The following KLF13 variants were observed in gnomAD, a reference collection of about 807,000 sequenced individuals.
KLF13 encodes KLF transcription factor 13.
A neutral mutation model predicts 16.7 loss-of-function variants in KLF13; 8 were observed. The observed-to-expected ratio is 0.48, with a 90% CI of 0.28 to 0.87. The LOEUF is 0.87. Among genes scored for constraint, KLF13 ranks in the 40% least tolerant of loss-of-function variants. The pLI is 0.10. For synonymous variants in KLF13, 245 were observed against 208.4 expected, an observed-to-expected ratio of 1.18 and a Z score of -1.51; for missense variants, 447 against 452.2, an observed-to-expected ratio of 0.99 and a Z score of 0.10.
chr15:31,329,549 G>C (rs2140927732), intron 1 of KLF13, among the ~76,000 whole-genome samples: 1 of 152,306 alleles, frequency 6.6e-6, no homozygotes, highest in Admixed American at 6.5e-5. Flanking sequence ...TCAGCCTTGG[G>C]ATGTCTTCCT....
At chr15:31,386,454 G>T (rs573862846) in intron 1 of KLF13, among the ~76,000 whole-genome samples, 1 of 152,146 alleles carries the variant, frequency 6.6e-6, no homozygotes, top group Non-Finnish European at 1.5e-5. Flanking sequence ...AGCCGAGATC[G>T]TGCCATTGCA....
chr15:31,345,908 GTC>G (rs1274477989), intron 1 of KLF13, among the ~76,000 whole-genome samples: 2 of 152,190 alleles, frequency 1.3e-5, no homozygotes, highest in Non-Finnish European at 2.9e-5. Flanking sequence ...ACCCCTGGTT[GTC>G]TCTGTTTCCC....
chr15:31,418,280 T>C (rs1327847704), intron 1 of KLF13, among the ~76,000 whole-genome samples: 2 of 152,152 alleles, frequency 1.3e-5, no homozygotes, highest in Non-Finnish European at 2.9e-5. Context: ...AGAGCGATTA[T>C]CTATTTGAAG....
At chr15:31,392,305 A>C (rs2039882848), upstream of KLF13, among the ~76,000 whole-genome samples, 1 of 152,184 alleles carries the variant, frequency 6.6e-6, no homozygotes. Context: ...ACGTGAGCTC[A>C]TGTACCGCGG....
chr15:31,362,914 G>A (rs2039411608), intron 1 of KLF13, among the ~76,000 whole-genome samples: 1 of 152,196 alleles, frequency 6.6e-6, no homozygotes, highest in South Asian at 2.1e-4. Context: ...TCTGTTATAT[G>A]TGCGTTCCAT....
intron 1 of KLF13, among the ~76,000 whole-genome samples, chr15:31,385,608 G>A (rs1334464276): frequency 6.6e-6 from 1 of 152,168 alleles, no homozygotes; most frequent in Non-Finnish European, 1.5e-5. Context: ...GATCTTTGAT[G>A]TTACTCTTGT....
chr15:31,346,574 CT>C (rs1566809605), intron 1 of KLF13, among the ~76,000 whole-genome samples: 1 of 152,240 alleles, frequency 6.6e-6, no homozygotes, highest in Non-Finnish European at 1.5e-5. Context: ...ATGCTGCCCC[CT>C]GCCCCAGCTT....
chr15:31,402,908 A>G (rs933687502), intron 2 of KLF13, among the ~76,000 whole-genome samples: 6 of 151,740 alleles, frequency 4.0e-5, no homozygotes, highest in Admixed American at 6.6e-5. Flanking sequence ...GGGATGGGCA[A>G]TGGGACTCGT....
chr15:31,382,928 G>A (rs2039745613), intron 1 of KLF13, among the ~76,000 whole-genome samples: 1 of 152,184 alleles, frequency 6.6e-6, no homozygotes, highest in Admixed American at 6.5e-5. Flanking sequence ...TGGGTGTCCT[G>A]ACCCCAGCTC....
downstream of KLF13, among the ~76,000 whole-genome samples, chr15:31,407,494 A>G (rs765317757): frequency 2.8e-4 from 42 of 152,250 alleles, no homozygotes; most frequent in Admixed American, 1.2e-3. Flanking sequence ...TCTTGTCTCA[A>G]AAATGATACA....
chr15:31,365,221 TCTCC>T (rs1056398022), intron 1 of KLF13, among the ~76,000 whole-genome samples: 35 of 152,088 alleles, frequency 2.3e-4, no homozygotes, highest in African/African-American at 8.2e-4. Flanking sequence ...TTTGGAAGCC[TCTCC>T]CTGTGCCTCC....
rs200064303 is a variant in KLF13, at chr15:31,413,588, AT to A, written n.117+19898del. Among the ~76,000 whole-genome samples the A allele has an allele frequency of 7.9e-3, 1,197 of 152,320 alleles. 16 individuals carry two copies. The highest frequency in any genetic ancestry group is 0.028 in the African/African-American group (1,152 of 41,568). The stretch of plus-strand genomic sequence containing the variant: ...ATATTTGAAGTGTTCAAAGAAAAAA[AT>A]CATCAAGGAAGAATCCTATATACAT... On this transcript the variant is annotated intron_variant and non_coding_transcript_variant, in intron 1 of 1. Transcript: ENST00000558225.
chr15:31,397,874 C>CTGGGGGGGGGGGGG, intron 2 of KLF13, among the ~76,000 whole-genome samples: 1 of 90,508 alleles, frequency 1.1e-5, no homozygotes, highest in East Asian at 2.6e-4. Flanking sequence ...GGGGTGGCGG[C>CTGGGGGGGGGGGGG]GGGGGGGGTG....
chr15:31,408,069 AAAG>A (rs375852008), downstream of KLF13, among the ~76,000 whole-genome samples: 60 of 152,352 alleles, frequency 3.9e-4, 2 homozygotes, highest in African/African-American at 1.4e-3. Context: ...AAAACCTGAA[AAAG>A]AAGAACTATC....
intron 1 of KLF13, among the ~76,000 whole-genome samples, chr15:31,410,597 AC>A (rs1206445809): frequency 5.3e-5 from 2 of 37,704 alleles, no homozygotes; most frequent in Non-Finnish European, 2.2e-4. Flanking sequence ...ACACACACAC[AC>A]ACACACACAC....
chr15:31,404,987 C>G (rs1027296025), downstream of KLF13, among the ~76,000 whole-genome samples: 1 of 152,212 alleles, frequency 6.6e-6, no homozygotes, highest in East Asian at 1.9e-4. Context: ...GCTACGAGTA[C>G]TGTTTTGTAG....
intron 1 of KLF13, among the ~76,000 whole-genome samples, chr15:31,334,497 G>A (rs985741026): frequency 6.6e-6 from 1 of 151,412 alleles, no homozygotes; most frequent in Non-Finnish European, 1.5e-5. Flanking sequence ...GCACAATCTC[G>A]GCTCACTGCA....
chr15:31,414,483 A>G (rs1163626288), intron 1 of KLF13, among the ~76,000 whole-genome samples: 1 of 152,228 alleles, frequency 6.6e-6, no homozygotes, highest in Non-Finnish European at 1.5e-5. Context: ...CAAGAAAGAC[A>G]CTTTTAATTC....
rs1412080986 is a variant in KLF13, at chr15:31,376,965, A to AG, written c.*4672dup. The AG allele has an allele frequency of 9.3e-5, 1 of 10,736 alleles. No individual in the cohort carries two copies. Among genetic ancestry groups the AG allele is most frequent in the Non-Finnish European group, 1.9e-4 (1 of 5,196 alleles). 0.7% of individuals were successfully genotyped at this position (10,736 alleles called of 1,614,324 possible). A position where few individuals can be genotyped will look rare whatever the true frequency, so the allele number is the denominator to read the frequency against. ...ACCCTACAAGTCACACATTCCGGGG[A>AG]GGGGGGTGGGGGGTGGAGGCAGGAA... On this transcript the variant is annotated 3_prime_UTR_variant, in exon 2 of 2. Coordinates refer to ENST00000307145, the MANE Select transcript of KLF13 (RefSeq NM_015995.4).
Sources: allele counts gnomAD v4.1 joint callset (sites outside exome capture counted in the v4.1 genomes callset), GRCh38; gene constraint gnomAD v4.1.1; transcripts MANE v1.5; gene names NCBI Gene and HGNC (gene_info 2026-07-23, HGNC 2026-07-21).